The following PLCG2 variants were observed in gnomAD, a reference collection of about 807,000 sequenced individuals.
PLCG2 encodes phospholipase C gamma 2.
Under a neutral mutation model 175.6 loss-of-function variants are expected in PLCG2, and 69 were observed. The ratio of observed to expected loss-of-function variants is 0.39; its 90% confidence interval spans 0.32 to 0.48. The LOEUF (loss-of-function observed/expected upper bound fraction) is 0.48. Among genes scored for constraint, PLCG2 ranks in the 20% least tolerant of loss-of-function variants. The pLI is 0.91. For synonymous variants in PLCG2, 827 were observed against 624.0 expected, an observed-to-expected ratio of 1.33 and a Z score of -4.85; for missense variants, 1,798 against 1,650.9, an observed-to-expected ratio of 1.09 and a Z score of -1.54.
intron 2 of PLCG2, among the ~76,000 whole-genome samples, chr16:81,824,512 T>C (rs1054338684): frequency 6.6e-6 from 1 of 152,240 alleles, no homozygotes; most frequent in Non-Finnish European, 1.5e-5. Context: ...CCAGCTTTTG[T>C]GGAGCCAGGT....
At chr16:81,746,880 C>G (rs905633216) in intron 1 of PLCG2, among the ~76,000 whole-genome samples, 5 of 152,114 alleles carry the variant, frequency 3.3e-5, no homozygotes, top group African/African-American at 9.7e-5. Context: ...GAATTCTGCT[C>G]CAGGAGAGCA....
intron 1 of PLCG2, among the ~76,000 whole-genome samples, chr16:81,784,812 G>A (rs1167295395): frequency 6.6e-6 from 1 of 152,080 alleles, no homozygotes; most frequent in Non-Finnish European, 1.5e-5. Context: ...AGCCTAGCTG[G>A]CAAGGGGGTC....
chr16:81,785,935 C>G lies in PLCG2; in HGVS notation c.-47-8C>G, dbSNP rs1236761263. 2.6e-6 allele frequency: 4 copies of G among 1,519,090 alleles called. No homozygotes were observed. Among genetic ancestry groups the G allele is most frequent in the Non-Finnish European group, 3.6e-6 (4 of 1,103,550 alleles). 94.1% of individuals were successfully genotyped at this position (1,519,090 alleles called of 1,614,324 possible). On this transcript the variant is annotated splice_polypyrimidine_tract_variant and splice_region_variant and intron_variant, in intron 1 of 32. Coordinates refer to ENST00000564138, the MANE Select transcript of PLCG2 (RefSeq NM_002661.5). ...AAATCAGTTCACTCTTTAATTCTGC[C>G]CTTTCAGCTTCCTGATTTCTCCCGA...
rs1167722327 is a variant in PLCG2 at position 81,961,425 on chromosome 16, G to A, written c.*3427G>A. On this transcript the variant is annotated 3_prime_UTR_variant, in exon 33 of 33. Coordinates refer to ENST00000564138, the MANE Select transcript of PLCG2 (RefSeq NM_002661.5). Reference sequence around the variant, plus strand: ...TGTTTAATAATTTAGTGAAATTTGGGCTATGTGTTTATTGATTCAGCTCAA... The same window carrying A: ...TGTTTAATAATTTAGTGAAATTTGGACTATGTGTTTATTGATTCAGCTCAA... The A allele has an allele frequency of 8.8e-6, 2 of 226,434 alleles. No individual in the cohort carries two copies. The highest frequency in any genetic ancestry group is 2.2e-5 in the African/African-American group (1 of 44,950). 14.0% of individuals were successfully genotyped at this position (226,434 alleles called of 1,614,324 possible).
At chr16:81,940,225 A>G (rs1910884111) in intron 30 of PLCG2, among the ~76,000 whole-genome samples, 166 bp downstream of exon 30, 1 of 152,206 alleles carries the variant, frequency 6.6e-6, no homozygotes, top group Non-Finnish European at 1.5e-5. Context: ...CGTGTAGCAC[A>G]CAGGTGGGAG....
At position 81,907,726 on chromosome 16, in the gene PLCG2, G is replaced by T. The variant is rs773032816; in HGVS notation, c.1509G>T (p.Leu503=). ...ACTGCGCCATTGCCGATGCCAAGCTGTCCTTCAGTGATGACATTGAACAGA... is the reference window on the plus strand; with the variant it reads ...ACTGCGCCATTGCCGATGCCAAGCTTTCCTTCAGTGATGACATTGAACAGA... ...RHYCAIADAK[L]SFSDDIEQTM... is the part of the protein sequence containing the mutation. Residue 503 remains leucine, a synonymous_variant, in exon 16 of 33, where the codon CTG becomes CTT. Coordinates refer to ENST00000564138, the MANE Select transcript of PLCG2 (RefSeq NM_002661.5). The T allele has an allele frequency of 6.2e-7, 1 of 1,613,934 alleles. No homozygotes were observed. Among genetic ancestry groups the T allele is most frequent in the African/African-American group, 1.3e-5 (1 of 74,920 alleles).
chr16:81,898,195 T>G (rs1224634713), intron 13 of PLCG2: 1 of 196,866 alleles, frequency 5.1e-6, no homozygotes, highest in Non-Finnish European at 1.1e-5. Flanking sequence ...TTTTTTCTGG[T>G]TAAAATAGGG....
intron 27 of PLCG2, 53 bp downstream of exon 27, chr16:81,936,431 C>T (rs560301961): frequency 1.4e-6 from 2 of 1,468,144 alleles, no homozygotes; most frequent in Non-Finnish European, 1.9e-6. Flanking sequence ...GTTGCAGTCA[C>T]TCCAGGCCGA....
At chr16:81,907,211 C>A (rs146070662) in intron 15 of PLCG2, among the ~76,000 whole-genome samples, 327 of 152,086 alleles carry the variant, frequency 2.2e-3, no homozygotes, top group African/African-American at 7.4e-3. Context: ...CCTCCTCTCA[C>A]ATTAACGTCA....
At chr16:81,878,198 A>G (rs1232898118) in intron 7 of PLCG2, among the ~76,000 whole-genome samples, 1 of 151,466 alleles carries the variant, frequency 6.6e-6, no homozygotes, top group Non-Finnish European at 1.5e-5. Flanking sequence ...GTTAGCCAGG[A>G]TGGTCTCCAT....
intron 2 of PLCG2, among the ~76,000 whole-genome samples, chr16:81,808,248 C>T (rs543724015): frequency 6.9e-4 from 105 of 152,296 alleles, no homozygotes; most frequent in African/African-American, 2.4e-3. Context: ...TGTTTTCCAA[C>T]GGGGCTACAC....
intron 4 of PLCG2, among the ~76,000 whole-genome samples, chr16:81,858,661 A>T (rs1484138808): frequency 6.6e-6 from 1 of 152,140 alleles, no homozygotes; most frequent in Non-Finnish European, 1.5e-5. Flanking sequence ...TAAAGGATTT[A>T]ATAAGAGATT....
At chr16:81,833,447 G>A (rs933459710) in intron 2 of PLCG2, among the ~76,000 whole-genome samples, 6 of 151,778 alleles carry the variant, frequency 4.0e-5, no homozygotes, top group East Asian at 1.9e-4. Flanking sequence ...GCACCTGGAA[G>A]CCCCTGGCCT....
At chr16:81,752,243 G>T (rs1391223136) in intron 1 of PLCG2, among the ~76,000 whole-genome samples, 10 of 152,060 alleles carry the variant, frequency 6.6e-5, no homozygotes, top group Admixed American at 4.6e-4. Flanking sequence ...CAATTCTAGG[G>T]TGTTTTTAGA....
At chr16:81,794,744 G>A (rs1428698926) in intron 2 of PLCG2, among the ~76,000 whole-genome samples, 1 of 152,162 alleles carries the variant, frequency 6.6e-6, no homozygotes, top group Non-Finnish European at 1.5e-5. Context: ...TCTTGCTGTC[G>A]TTGATGTCAT....
chr16:81,885,849 C>A (rs568105052), intron 9 of PLCG2, among the ~76,000 whole-genome samples: 1 of 152,222 alleles, frequency 6.6e-6, no homozygotes, highest in South Asian at 2.1e-4. Context: ...GATGTTGATG[C>A]GTGTTGTAAT....
Position 81,928,599 on chromosome 16 carries a change from A to G in PLCG2, c.2556A>G (p.Ile852Met), listed in dbSNP as rs1910374666. The G allele has an allele frequency of 6.8e-6, 11 of 1,609,254 alleles. No homozygotes were observed. The highest frequency in any genetic ancestry group is 1.3e-5 in the African/African-American group (1 of 74,942). The change falls in exon 24 of 33, where the codon ATA becomes ATG. Residue 852 changes from isoleucine to methionine, a missense_variant. Ile to Met is a conservative substitution (Grantham distance 10). Coordinates refer to ENST00000564138, the MANE Select transcript of PLCG2 (RefSeq NM_002661.5). Reference sequence around the variant, plus strand: ...CCTTAGGGTCTCTTTGCAGAGGAATATTGGACCTCAATACCTATAACGTCG... The same window carrying G: ...CCTTAGGGTCTCTTTGCAGAGGAATGTTGGACCTCAATACCTATAACGTCG... ...DNPLGSLCRG[I>M]LDLNTYNVVK...
At chr16:81,860,164 TTATTATTA>T (rs1333219391) in intron 5 of PLCG2, among the ~76,000 whole-genome samples, 2 of 100,206 alleles carry the variant, frequency 2.0e-5, no homozygotes, top group African/African-American at 3.4e-5. Flanking sequence ...ATTATTATTA[TTATTATTA>T]TTTTTTTTTT....
intron 22 of PLCG2, among the ~76,000 whole-genome samples, chr16:81,924,829 G>T (rs1450688577): frequency 6.6e-6 from 1 of 152,188 alleles, no homozygotes; most frequent in African/African-American, 2.4e-5. Context: ...GCTTCCCCTT[G>T]GAGGCTCCCA....
Sources: allele counts gnomAD v4.1 joint callset (sites outside exome capture counted in the v4.1 genomes callset), GRCh38; gene constraint gnomAD v4.1.1; transcripts MANE v1.5; gene names NCBI Gene and HGNC (gene_info 2026-07-23, HGNC 2026-07-21).